FRMPD2: variants seen among roughly 807,000 people sequenced by gnomAD.
FRMPD2 encodes FERM and PDZ domain-containing protein 2.
FRMPD2 carries 96 observed loss-of-function variants against 140.1 expected under a neutral mutation model. That is an observed-to-expected ratio of 0.69 (90% CI 0.58 to 0.81). The LOEUF is 0.81. Ranked by LOEUF, FRMPD2 falls within the 40% of genes least tolerant of loss-of-function variation. FRMPD2 has a pLI of 0.00. For synonymous variants in FRMPD2, 449 were observed against 547.6 expected, an observed-to-expected ratio of 0.82 and a Z score of 2.52; for missense variants, 1,240 against 1,447.4, an observed-to-expected ratio of 0.86 and a Z score of 2.32.
chr10:48,252,982 A>G (rs1396852249), intron 1 of FRMPD2, among the ~76,000 whole-genome samples: 1 of 151,818 alleles, frequency 6.6e-6, no homozygotes, highest in African/African-American at 2.4e-5. Flanking sequence ...CTATTCCACC[A>G]CATTTTTCTA....
intron 12 of FRMPD2, among the ~76,000 whole-genome samples, chr10:48,212,343 AG>A (rs1839346939): frequency 6.6e-6 from 1 of 152,182 alleles, no homozygotes; most frequent in Non-Finnish European, 1.5e-5. Flanking sequence ...TTTTTATGCC[AG>A]GTAGTTCACA....
rs1839869805 is a variant in FRMPD2, at chr10:48,232,270, T to C, written c.1013A>G (p.Tyr338Cys). Residue 338 changes from tyrosine to cysteine, a missense_variant, in exon 10 of 29, where the codon TAT becomes TGT. Tyr to Cys is a radical substitution (Grantham distance 194). Around this residue, in one of 6 missense-constraint regions of FRMPD2, gnomAD observed 1,161 missense variants for 1,055.9 expected, o/e 1.10. Transcript: ENST00000374201. Reference sequence around the variant, plus strand: ...CACACAGAGGTCCCTGAGAGCCAAATAGGATTTCCCTTTTTTGGTCTGAAA... The same window carrying C: ...CACACAGAGGTCCCTGAGAGCCAAACAGGATTTCCCTTTTTTGGTCTGAAA... Reference protein sequence around the residue: ...GSVVTKKGKSYLALRDLCVVL... With the variant: ...GSVVTKKGKSCLALRDLCVVL... 1 of 1,611,298 alleles carries C rather than the reference T, an allele frequency of 6.2e-7. No homozygotes were observed.
chr10:48,240,663 A>G (rs929623473), intron 5 of FRMPD2, among the ~76,000 whole-genome samples, 171 bp from the exon 6 acceptor site: 3 of 152,152 alleles, frequency 2.0e-5, no homozygotes, highest in Non-Finnish European at 2.9e-5. Context: ...CACCCCCTGC[A>G]TGCACCCTGA....
intron 20 of FRMPD2, among the ~76,000 whole-genome samples, chr10:48,182,741 A>G (rs968041462): frequency 1.6e-4 from 24 of 152,378 alleles, no homozygotes; most frequent in African/African-American, 5.5e-4. Context: ...TGAGAATAGC[A>G]GACCTCGAGT....
At chr10:48,177,134 G>A (rs1178342006) in intron 22 of FRMPD2, among the ~76,000 whole-genome samples, 1 of 144,400 alleles carries the variant, frequency 6.9e-6, no homozygotes, top group Non-Finnish European at 1.5e-5. Flanking sequence ...TTGAGACAGA[G>A]TCTCACTCTG....
At chr10:48,212,759 A>G (rs1839359309) in intron 12 of FRMPD2, among the ~76,000 whole-genome samples, 1 of 152,032 alleles carries the variant, frequency 6.6e-6, no homozygotes, top group Admixed American at 6.6e-5. Flanking sequence ...TCTTTGGGAG[A>G]CTGAGGCTGC....
intron 20 of FRMPD2, among the ~76,000 whole-genome samples, chr10:48,181,424 C>T (rs1838543331): frequency 6.6e-6 from 1 of 152,218 alleles, no homozygotes; most frequent in Non-Finnish European, 1.5e-5. Flanking sequence ...AGTGTCCTGC[C>T]CCAAATGCTA....
chr10:48,181,975 A>G (rs1163449149), intron 20 of FRMPD2, among the ~76,000 whole-genome samples: 1 of 150,950 alleles, frequency 6.6e-6, no homozygotes, highest in Non-Finnish European at 1.5e-5. Flanking sequence ...ACATGTTATT[A>G]TTAGCTGCTC....
At chr10:48,260,280 A>C (rs1212168349) in intron 1 of FRMPD2, among the ~76,000 whole-genome samples, 1 of 152,126 alleles carries the variant, frequency 6.6e-6, no homozygotes, top group Admixed American at 6.6e-5. Flanking sequence ...ACAATCTGCT[A>C]TCTACAAGCT....
chr10:48,182,559 C>T (rs1406564020), intron 20 of FRMPD2, among the ~76,000 whole-genome samples: 1 of 152,212 alleles, frequency 6.6e-6, no homozygotes, highest in East Asian at 1.9e-4. Flanking sequence ...GAGACCCAGC[C>T]AGCATCACCA....
chr10:48,206,944 A>AAAAGGC lies in FRMPD2; in HGVS notation c.1612-17_1612-12dup. 6.2e-7 allele frequency: 1 copy of AAAAGGC among 1,612,754 alleles called. No homozygotes were observed. Among genetic ancestry groups the AAAAGGC allele is most frequent in the Non-Finnish European group, 8.5e-7 (1 of 1,179,264 alleles). ...GAGCTGCTGAGTGACCTGGAGCAGAAAAAGGCTGATTTAGAAGAGACAGGC... is the reference window on the plus strand; with the variant it reads ...GAGCTGCTGAGTGACCTGGAGCAGAAAAAGGCAAAGGCTGATTTAGAAGAGACAGGC... On this transcript the variant is annotated splice_polypyrimidine_tract_variant and intron_variant, in intron 13 of 28. Transcript: ENST00000374201.
At chr10:48,208,220 T>C (rs576994261) in intron 13 of FRMPD2, among the ~76,000 whole-genome samples, 1 of 152,374 alleles carries the variant, frequency 6.6e-6, no homozygotes, top group South Asian at 2.1e-4. Flanking sequence ...TTTGGTGTGA[T>C]ATTTCTTTTA....
At chr10:48,219,979 A>G (rs1839543932) in intron 12 of FRMPD2, among the ~76,000 whole-genome samples, 1 of 152,216 alleles carries the variant, frequency 6.6e-6, no homozygotes, top group African/African-American at 2.4e-5. Flanking sequence ...ACTCTTCTAG[A>G]AAATTGAGTG....
rs778393833 is a variant in FRMPD2, at chr10:48,206,909, C to G, written c.1636G>C (p.Gly546Arg). The part of the protein sequence containing the change: ...LRVTQQLPEY[G>R]VLVHQVFSEK... ...GAGAATACTTGGTGAACCAGCACAC[C>G]GTATTCTGGGAGCTGCTGAGTGACC... Residue 546 changes from glycine (G) to arginine (R), a missense_variant, in exon 14 of 29, where the codon GGT becomes CGT. By Grantham distance (125) the Gly-to-Arg change is moderately radical (BLOSUM62 -2). Transcript: ENST00000374201. The G allele has an allele frequency of 1.2e-5, 19 of 1,613,736 alleles. No homozygotes were observed. The South Asian group carries it at 2.1e-4, about 18-fold the overall frequency.
intron 15 of FRMPD2, among the ~76,000 whole-genome samples, chr10:48,197,771 T>C (rs1283464682): frequency 6.6e-6 from 1 of 152,228 alleles, no homozygotes; most frequent in African/African-American, 2.4e-5. Flanking sequence ...ACCAAGTCTC[T>C]CTAGCACTGA....
At chr10:48,267,177 A>G (rs78751075) in intron 1 of FRMPD2, among the ~76,000 whole-genome samples, 1,679 of 152,290 alleles carry the variant, frequency 0.011, 35 homozygotes, top group African/African-American at 0.039. Flanking sequence ...ATCATATCAA[A>G]AACCAGGAAA....
chr10:48,192,964 T>C, intron 15 of FRMPD2, 70 bp from the exon 16 acceptor site: 7 of 1,176,578 alleles, frequency 5.9e-6, no homozygotes, highest in Non-Finnish European at 8.8e-6. Flanking sequence ...GCTCTGGTGG[T>C]TGTAACATAT....
chr10:48,178,218 G>T (rs1448996139), intron 21 of FRMPD2, 67 bp from the exon 22 acceptor site: 4 of 1,156,432 alleles, frequency 3.5e-6, no homozygotes, highest in Non-Finnish European at 5.1e-6. Context: ...AGCTCATACT[G>T]CTCTCAGGAG....
In FRMPD2 at chr10:48,249,171, C is replaced by G. The variant is rs115963067; in HGVS notation, c.159G>C (p.Ser53=). ...CTGACCAGGGGCAAACCACATAGTC[C>G]GAGGAATCTGAAACCAAGCCAGTGA... The part of the protein sequence containing the change: ...QLLEDLRNDS[S]DYVVCPWSAL... The change falls in exon 3 of 29, where the codon TCG becomes TCC. Residue 53 remains serine, a synonymous_variant. Coordinates refer to ENST00000374201, the MANE Select transcript of FRMPD2 (RefSeq NM_001018071.4). The G allele has an allele frequency of 1.3e-4, 216 of 1,613,622 alleles. 2 individuals carry two copies. In the South Asian group the frequency reaches 2.1e-3, roughly 16 times the overall value.
Sources: allele counts gnomAD v4.1 joint callset (sites outside exome capture counted in the v4.1 genomes callset), GRCh38; gene constraint gnomAD v4.1.1; regional missense constraint gnomAD v4.1.1; transcripts MANE v1.5; gene names NCBI Gene and HGNC (gene_info 2026-07-23, HGNC 2026-07-21).